Variants in ZFP2 observed in about 807,000 individuals in gnomAD.
The protein encoded by ZFP2 is ZFP2 zinc finger protein.
ZFP2 carries 33 observed loss-of-function variants against 36.1 expected under a neutral mutation model. The observed-to-expected ratio is 0.92, with a 90% CI of 0.69 to 1.22. ZFP2 has a LOEUF of 1.22. Ranked by LOEUF, ZFP2 falls within the 50% of genes most tolerant of loss-of-function variation. The pLI, the probability that ZFP2 is intolerant of heterozygous loss-of-function variation, is 0.00. For missense variants in ZFP2, 522 were observed against 551.4 expected (o/e 0.95, Z 0.53); for synonymous variants, 170 against 178.0 (o/e 0.96, Z 0.36).
At chr5:178,915,056 T>G (rs1428251260) in intron 3 of ZFP2, among the ~76,000 whole-genome samples, 2 of 152,256 alleles carry the variant, frequency 1.3e-5, no homozygotes, top group Non-Finnish European at 2.9e-5. Flanking sequence ...AATAGCAGTC[T>G]TTCTAACGCA....
intron 1 of ZFP2, among the ~76,000 whole-genome samples, chr5:178,907,322 C>A (rs1386847653): frequency 6.6e-6 from 1 of 151,290 alleles, no homozygotes; most frequent in African/African-American, 2.4e-5. Flanking sequence ...TATATGTGTA[C>A]ACATATATAT....
intron 1 of ZFP2, chr5:178,909,934 C>G (rs561535612): frequency 2.7e-6 from 4 of 1,455,178 alleles, no homozygotes; most frequent in Non-Finnish European, 3.8e-6. Context: ...AAGGGGTTCT[C>G]TGTTAGGAAG....
At chr5:178,910,649 T>C (rs1758277480) in intron 1 of ZFP2, 3 of 384,060 alleles carry the variant, frequency 7.8e-6, no homozygotes, top group Non-Finnish European at 1.5e-5. Context: ...TCTGGATCAG[T>C]TGCCCTCACT....
chr5:178,931,608 A>G lies in ZFP2; in HGVS notation c.295A>G (p.Lys99Glu), dbSNP rs2113132872. 1 of 1,614,204 alleles carries G rather than the reference A, an allele frequency of 6.2e-7. No individual in the cohort carries two copies. The highest frequency in any genetic ancestry group is 1.1e-5 in the South Asian group (1 of 91,086). The part of the protein sequence containing the change: ...LIKTQRMFVG[K>E]KIYECNQCSK... ...TAAAACTCAAAGAATGTTTGTAGGA[A>G]AGAAGATCTATGAATGTAATCAGTG... The change falls in exon 5 of 5, where the codon AAG becomes GAG. Residue 99 changes from lysine to glutamate, a missense_variant. Coordinates refer to ENST00000361362, the MANE Select transcript of ZFP2 (RefSeq NM_030613.4).
chr5:178,897,810 A>G (rs1018856381), intron 1 of ZFP2, among the ~76,000 whole-genome samples: 4 of 152,124 alleles, frequency 2.6e-5, no homozygotes, highest in African/African-American at 9.7e-5. Context: ...ACCCCATGCA[A>G]TGGTGCCTAG....
chr5:178,928,438 T>C (rs772719868), intron 4 of ZFP2, among the ~76,000 whole-genome samples: 66 of 151,920 alleles, frequency 4.3e-4, no homozygotes, highest in Non-Finnish European at 8.2e-4. Context: ...AGGCATTGGG[T>C]CAACACTCCT....
At chr5:178,899,194 TAC>T (rs1185133223) in intron 1 of ZFP2, among the ~76,000 whole-genome samples, 8 of 152,178 alleles carry the variant, frequency 5.3e-5, no homozygotes, top group African/African-American at 1.9e-4. Flanking sequence ...ATTTAATAGC[TAC>T]ATTGTCTTGG....
At chr5:178,906,291 A>G (rs1483919883) in intron 1 of ZFP2, among the ~76,000 whole-genome samples, 2 of 152,190 alleles carry the variant, frequency 1.3e-5, no homozygotes, top group African/African-American at 4.8e-5. Context: ...TGTTGAAAAA[A>G]GTGGATGATT....
intron 4 of ZFP2, among the ~76,000 whole-genome samples, chr5:178,928,603 G>C (rs77358627): frequency 0.084 from 12,837 of 152,316 alleles, 681 homozygotes; most frequent in Non-Finnish European, 0.12. Context: ...GAGGGGTGGA[G>C]TCCCTAGGCC....
At chr5:178,929,511 G>A (rs1758773437) in intron 4 of ZFP2, among the ~76,000 whole-genome samples, 1 of 152,158 alleles carries the variant, frequency 6.6e-6, no homozygotes, top group African/African-American at 2.4e-5. Flanking sequence ...GATCCCTAGG[G>A]CAGGGGCACA....
intron 1 of ZFP2, among the ~76,000 whole-genome samples, chr5:178,899,274 C>T (rs1201920731): frequency 6.6e-6 from 1 of 152,220 alleles, no homozygotes; most frequent in Non-Finnish European, 1.5e-5. Flanking sequence ...CATTACCTGT[C>T]TGCCATATAG....
intron 1 of ZFP2, among the ~76,000 whole-genome samples, chr5:178,908,031 G>C (rs574899138): frequency 2.0e-5 from 3 of 152,156 alleles, no homozygotes; most frequent in Non-Finnish European, 4.4e-5. Context: ...CTTAAAAGGG[G>C]GTTGTCACCA....
intron 4 of ZFP2, chr5:178,922,054 A>G: frequency 2.4e-6 from 2 of 839,326 alleles, no homozygotes; most frequent in South Asian, 1.4e-5. Flanking sequence ...TAGCCACCCA[A>G]GAAAACATCA....
chr5:178,913,545 A>C (rs1758348167), intron 3 of ZFP2, among the ~76,000 whole-genome samples: 2 of 152,090 alleles, frequency 1.3e-5, no homozygotes, highest in African/African-American at 4.8e-5. Context: ...ATTGTGTGAG[A>C]GAGTTTTAGA....
intron 4 of ZFP2, among the ~76,000 whole-genome samples, chr5:178,920,466 G>A (rs545605626): frequency 4.0e-4 from 61 of 152,078 alleles, no homozygotes; most frequent in Middle Eastern, 3.4e-3. Context: ...GTGAAACCCC[G>A]TCTTTCCTAA....
chr5:178,904,732 T>C, intron 1 of ZFP2, among the ~76,000 whole-genome samples: 1 of 141,566 alleles, frequency 7.1e-6, no homozygotes, highest in South Asian at 2.4e-4. Context: ...AGACAGAGTC[T>C]TGCTCTGTCT....
chr5:178,929,132 A>G (rs75369932), intron 4 of ZFP2, among the ~76,000 whole-genome samples: 12,808 of 152,232 alleles, frequency 0.084, 675 homozygotes, highest in Non-Finnish European at 0.12. Flanking sequence ...GGCCTGGCCC[A>G]GGAAACCATT....
At chr5:178,910,633 G>T in intron 1 of ZFP2, 1 of 401,724 alleles carries the variant, frequency 2.5e-6, no homozygotes, top group South Asian at 2.1e-5. Flanking sequence ...CTCTAGAATG[G>T]CCCCCTCTGG....
chr5:178,906,420 C>T (rs943298464), intron 1 of ZFP2, among the ~76,000 whole-genome samples: 1 of 152,200 alleles, frequency 6.6e-6, no homozygotes, highest in Non-Finnish European at 1.5e-5. Flanking sequence ...GCTTTCTTTA[C>T]ATTTGCATTT....
Sources: gnomAD v4.1 joint callset for allele counts (sites outside exome capture counted in the v4.1 genomes callset) on GRCh38, gnomAD v4.1.1 for gene constraint, MANE v1.5 for transcripts, NCBI Gene and HGNC (gene_info 2026-07-23, HGNC 2026-07-21) for gene names.